Variants in CFAP61 observed in about 807,000 individuals in gnomAD.
The protein encoded by CFAP61 is cilia and flagella associated protein 61.
Under a neutral mutation model 135.6 loss-of-function variants are expected in CFAP61, and 107 were observed. The observed-to-expected ratio is 0.79, with a 90% confidence interval of 0.67 to 0.93. The LOEUF (loss-of-function observed/expected upper bound fraction) is 0.93, where lower values mean the gene tolerates loss of function less well. CFAP61 is among the 40% of genes least tolerant of loss of function. The pLI is 0.00. For missense variants in CFAP61, 1,507 were observed against 1,556.2 expected, an observed-to-expected ratio of 0.97 and a Z score of 0.53; for synonymous variants, 575 against 578.5, an observed-to-expected ratio of 0.99 and a Z score of 0.09.
intron 2 of CFAP61, among the ~76,000 whole-genome samples, chr20:20,057,313 C>A (rs1473625587): frequency 6.6e-6 from 1 of 152,108 alleles, no homozygotes; most frequent in Non-Finnish European, 1.5e-5. Flanking sequence ...AAAAAGGTTT[C>A]TCATGGGCTT....
Position 20,341,899 on chromosome 20 carries a change from G to A in CFAP61, c.3491G>A (p.Arg1164His), listed in dbSNP as rs115515551. 4.0e-4 allele frequency: 651 copies of A among 1,612,964 alleles called. 5 individuals carry two copies. The South Asian group carries it at 6.1e-3, about 15-fold the overall frequency. ...TTTATTGATCTCAGGAAAGAGTTACGCCAAATCTTAGCCTCCAAGGAGGTA... is the reference window on the plus strand; with the variant it reads ...TTTATTGATCTCAGGAAAGAGTTACACCAAATCTTAGCCTCCAAGGAGGTA... ...DRFIDLRKEL[R>H]QILASKEEED... The change falls in exon 26 of 27, where the codon CGC (arginine) becomes CAC (histidine). Residue 1164 changes from arginine to histidine, a missense_variant. Arg to His is a conservative substitution (Grantham distance 29). Transcript: ENST00000245957.
chr20:20,070,588 C>T (rs1329096612), intron 2 of CFAP61, among the ~76,000 whole-genome samples: 2 of 152,044 alleles, frequency 1.3e-5, no homozygotes, highest in East Asian at 1.9e-4. Flanking sequence ...AGTCAGTCTC[C>T]AAGGGAAAGA....
At chr20:20,108,014 AT>A (rs2048530950) in intron 8 of CFAP61, among the ~76,000 whole-genome samples, 2 of 152,240 alleles carry the variant, frequency 1.3e-5, no homozygotes, top group African/African-American at 4.8e-5. Context: ...TTATATAAAA[AT>A]ATTATTCATA....
chr20:20,197,121 G>A (rs1022388055), intron 16 of CFAP61, among the ~76,000 whole-genome samples: 1 of 152,136 alleles, frequency 6.6e-6, no homozygotes, highest in Non-Finnish European at 1.5e-5. Context: ...ATCCTATTCT[G>A]TTCCTTCAAG....
intron 8 of CFAP61, among the ~76,000 whole-genome samples, chr20:20,110,787 C>T (rs2048749060): frequency 1.3e-5 from 2 of 152,164 alleles, no homozygotes; most frequent in African/African-American, 4.8e-5. Context: ...GGCCCATACT[C>T]ACACTTGATC....
chr20:20,167,514 G>A (rs1182658441), intron 12 of CFAP61, among the ~76,000 whole-genome samples: 3 of 152,078 alleles, frequency 2.0e-5, no homozygotes, highest in Non-Finnish European at 2.9e-5. Context: ...AGGTAAAAGA[G>A]CTGTTTACAT....
At chr20:20,147,684 T>G (rs940448960) in intron 9 of CFAP61, among the ~76,000 whole-genome samples, 2 of 152,244 alleles carry the variant, frequency 1.3e-5, no homozygotes, top group Admixed American at 1.3e-4. Context: ...TCTCCCACTC[T>G]GTGGGTTGTC....
chr20:20,147,091 A>G (rs1177388786), intron 9 of CFAP61, among the ~76,000 whole-genome samples: 2 of 152,204 alleles, frequency 1.3e-5, no homozygotes, highest in East Asian at 1.9e-4. Flanking sequence ...ATTCCTTTCT[A>G]TGGTTGAATA....
chr20:20,256,794 G>A (rs540442491), intron 20 of CFAP61, among the ~76,000 whole-genome samples: 65 of 152,248 alleles, frequency 4.3e-4, no homozygotes, highest in African/African-American at 1.2e-3. Flanking sequence ...TTTTTTACCC[G>A]AAAAACATAT....
intron 2 of CFAP61, among the ~76,000 whole-genome samples, chr20:20,067,721 T>C (rs1254264574): frequency 1.4e-5 from 2 of 145,600 alleles, no homozygotes; most frequent in African/African-American, 2.5e-5. Context: ...ATATATAATA[T>C]ATATTCATAT....
chr20:20,268,452 C>T (rs557684112), intron 21 of CFAP61, among the ~76,000 whole-genome samples: 4 of 152,330 alleles, frequency 2.6e-5, no homozygotes, highest in African/African-American at 7.2e-5. Flanking sequence ...CACACAGATA[C>T]CACCCCAGAG....
chr20:20,069,380 A>C (rs2045546918), intron 2 of CFAP61, among the ~76,000 whole-genome samples: 1 of 152,046 alleles, frequency 6.6e-6, no homozygotes, highest in Admixed American at 6.5e-5. Flanking sequence ...TGCTGGGTTC[A>C]AGTGATTCTC....
At chr20:20,057,517 T>C (rs1362404892) in intron 2 of CFAP61, among the ~76,000 whole-genome samples, 2 of 152,220 alleles carry the variant, frequency 1.3e-5, no homozygotes, top group African/African-American at 2.4e-5. Context: ...CAGATGAGAA[T>C]GGGAGGCTGG....
intron 26 of CFAP61, among the ~76,000 whole-genome samples, chr20:20,345,883 C>CTTTTTTTTTT (rs756813997): frequency 2.0e-5 from 1 of 50,430 alleles, no homozygotes; most frequent in Non-Finnish European, 3.4e-5. Flanking sequence ...GATTGTGCCA[C>CTTTTTTTTTT]TTTTTTTTTT....
intron 2 of CFAP61, among the ~76,000 whole-genome samples, chr20:20,065,674 C>CT (rs1343137440): frequency 6.7e-6 from 1 of 148,416 alleles, no homozygotes; most frequent in African/African-American, 2.5e-5. Flanking sequence ...ATTTTATTGA[C>CT]TGCCTGTTCA....
chr20:20,143,547 T>G (rs933301523), intron 9 of CFAP61, among the ~76,000 whole-genome samples: 1 of 152,230 alleles, frequency 6.6e-6, no homozygotes, highest in Non-Finnish European at 1.5e-5. Flanking sequence ...TTTACTCTCC[T>G]GCCTAAAATA....
rs114396838 is a variant in CFAP61, at chr20:20,288,690, C to A, written c.2878C>A (p.Arg960=). Residue 960 remains arginine, a synonymous_variant, in exon 23 of 27, where the codon CGA becomes AGA. Transcript: ENST00000245957. ...LNDACLVYDS[R]LVIDTNFHTN... ...TGATGCATGTCTTGTGTATGACAGT[C>A]GACTTGTGATTGATACCAACTTCCA... 4 of 1,613,924 alleles carry A rather than the reference C, an allele frequency of 2.5e-6. No homozygotes were observed. The highest frequency in any genetic ancestry group is 3.4e-6 in the Non-Finnish European group (4 of 1,179,838).
intron 18 of CFAP61, among the ~76,000 whole-genome samples, chr20:20,245,634 T>G (rs1335913955): frequency 6.6e-6 from 1 of 152,126 alleles, no homozygotes; most frequent in Non-Finnish European, 1.5e-5. Flanking sequence ...ATTACTTGCT[T>G]CAGTTCCACC....
intron 22 of CFAP61, among the ~76,000 whole-genome samples, chr20:20,278,694 C>G (rs573034178): frequency 1.1e-4 from 16 of 152,228 alleles, no homozygotes; most frequent in African/African-American, 3.6e-4. Context: ...AGAATGGTGG[C>G]TCTCACCCCC....
Sources: allele counts gnomAD v4.1 joint callset (sites outside exome capture counted in the v4.1 genomes callset), GRCh38; gene constraint gnomAD v4.1.1; transcripts MANE v1.5; gene names NCBI Gene and HGNC (gene_info 2026-07-23, HGNC 2026-07-21).